MYB: variants seen among roughly 807,000 people sequenced by gnomAD.
MYB encodes transcriptional activator Myb.
Under a neutral mutation model 92.9 loss-of-function variants are expected in MYB, and 28 were observed. That is an observed-to-expected ratio of 0.30 (90% CI 0.22 to 0.41). MYB has a LOEUF of 0.41. Ranked by LOEUF, MYB falls within the 10% of genes least tolerant of loss-of-function variation. MYB has a pLI of 1.00. For synonymous variants in MYB, 295 were observed against 329.1 expected, an observed-to-expected ratio of 0.90 and a Z score of 1.12; for missense variants, 679 against 929.3, an observed-to-expected ratio of 0.73 and a Z score of 3.50.
chr6:135,183,253 G>A (rs948227366), intron 1 of MYB, among the ~76,000 whole-genome samples: 3 of 152,082 alleles, frequency 2.0e-5, no homozygotes, highest in African/African-American at 4.8e-5. Flanking sequence ...GCCGTTTCTT[G>A]CAAGGGCGAG....
Position 135,199,005 on chromosome 6 carries a change from C to G in MYB, c.1664C>G (p.Pro555Arg). 6.2e-7 allele frequency: 1 copy of G among 1,611,848 alleles called. No individual in the cohort carries two copies. Among genetic ancestry groups the G allele is most frequent in the Non-Finnish European group, 8.5e-7 (1 of 1,178,534 alleles). Residue 555 changes from proline (P) to arginine (R), a missense_variant, in exon 11 of 16, where the codon CCA becomes CGA. Coordinates refer to ENST00000341911, the MANE Select transcript of MYB (RefSeq NM_001130173.2). ...LIGHKLTVTT[P>R]FHRDQTVKTQ... is the part of the protein sequence containing the mutation. Reference sequence around the variant, plus strand: ...GGTCACAAATTGACTGTTACAACACCATTTCATAGAGACCAGACTGTGAAA... The same window carrying G: ...GGTCACAAATTGACTGTTACAACACGATTTCATAGAGACCAGACTGTGAAA...
intron 15 of MYB, among the ~76,000 whole-genome samples, chr6:135,208,951 T>C (rs897461633): frequency 6.6e-6 from 1 of 152,236 alleles, no homozygotes; most frequent in African/African-American, 2.4e-5. Context: ...ATAGAACTTC[T>C]ACAGTGATGT....
At chr6:135,201,066 G>A (rs1165000911) in intron 13 of MYB, among the ~76,000 whole-genome samples, 1 of 152,078 alleles carries the variant, frequency 6.6e-6, no homozygotes, top group Non-Finnish European at 1.5e-5. Flanking sequence ...GAGACAGCAA[G>A]ACTCCGTCTC....
intron 8 of MYB, 70 bp downstream of exon 8, chr6:135,194,530 C>T: frequency 9.4e-7 from 1 of 1,060,606 alleles, no homozygotes; most frequent in Non-Finnish European, 1.4e-6. Context: ...GCGCTCTTCT[C>T]TTCTAAATAT....
intron 3 of MYB, among the ~76,000 whole-genome samples, chr6:135,188,250 A>G (rs1157844929): frequency 6.6e-6 from 1 of 151,988 alleles, no homozygotes; most frequent in African/African-American, 2.4e-5. Context: ...TGAATTCCCT[A>G]TTTTTGTCAA....
rs1777892841 is a variant in MYB at position 135,200,424 on chromosome 6, G to A, written c.1950+9G>A. 4 of 1,613,734 alleles carry A rather than the reference G, an allele frequency of 2.5e-6. No individual in the cohort carries two copies. Among genetic ancestry groups the A allele is most frequent in the Middle Eastern group, 1.6e-4 (1 of 6,082 alleles). The stretch of plus-strand genomic sequence containing the variant: ...AGAAAATCAAACAAGAGGTAAACAC[G>A]CAACCCTTTGGAAGCAACAAGCTGA... On this transcript the variant is annotated intron_variant, in intron 13 of 15. Coordinates refer to ENST00000341911, the MANE Select transcript of MYB (RefSeq NM_001130173.2).
chr6:135,202,216 G>T (rs1162039860), intron 14 of MYB, among the ~76,000 whole-genome samples: 1 of 152,034 alleles, frequency 6.6e-6, no homozygotes, highest in Non-Finnish European at 1.5e-5. Flanking sequence ...ATTTGTGAAG[G>T]GTTGTCCTTA....
Position 135,199,011 on chromosome 6 carries a change from A to C in MYB, c.1670A>C (p.His557Pro). The C allele has an allele frequency of 1.2e-6, 2 of 1,611,830 alleles. No homozygotes were observed. The highest frequency in any genetic ancestry group is 8.5e-7 in the Non-Finnish European group (1 of 1,178,622). The part of the protein sequence containing the change: ...GHKLTVTTPF[H>P]RDQTVKTQKE... Reference sequence around the variant, plus strand: ...AAATTGACTGTTACAACACCATTTCATAGAGACCAGACTGTGAAAACTCAA... The same window carrying C: ...AAATTGACTGTTACAACACCATTTCCTAGAGACCAGACTGTGAAAACTCAA... Residue 557 changes from histidine (H) to proline (P), a missense_variant, in exon 11 of 16, where the codon CAT becomes CCT. His to Pro is a moderately conservative substitution (Grantham distance 77). Around this residue, in one of 8 missense-constraint regions of MYB, gnomAD observed 402 missense variants for 434.2 expected, o/e 0.93. Transcript: ENST00000341911.
intron 15 of MYB, among the ~76,000 whole-genome samples, chr6:135,217,079 T>C (rs1780551940): frequency 6.6e-6 from 1 of 152,202 alleles, no homozygotes; most frequent in Non-Finnish European, 1.5e-5. Context: ...CTAGTGTATC[T>C]TTAAAAATTA....
intron 2 of MYB, 139 bp from the exon 3 acceptor site, chr6:135,187,695 G>A (rs149888771): frequency 4.8e-4 from 218 of 457,670 alleles, no homozygotes; most frequent in Non-Finnish European, 7.2e-4. Context: ...TCCCAAGTCC[G>A]TATATTACAT....
intron 15 of MYB, chr6:135,203,824 T>C: frequency 1.6e-6 from 2 of 1,275,226 alleles, no homozygotes; most frequent in Admixed American, 5.1e-5. Context: ...CAACTGTCAA[T>C]GTTGTGAGGC....
intron 15 of MYB, 49 bp from the exon 16 acceptor site, chr6:135,217,815 A>T: frequency 1.5e-6 from 2 of 1,324,568 alleles, no homozygotes; most frequent in Non-Finnish European, 2.2e-6. Flanking sequence ...GGGTCTATAG[A>T]ATGAGCTTCT....
At chr6:135,198,836 G>A (rs1487878591) in intron 10 of MYB, 72 bp from the exon 11 acceptor site, 3 of 1,267,282 alleles carry the variant, frequency 2.4e-6, no homozygotes, top group Non-Finnish European at 2.2e-6. Flanking sequence ...TTATCTAGGT[G>A]TGATTTTTAA....
Position 135,181,655 on chromosome 6 carries a change from C to T in MYB, c.23+119C>T. 3.0e-6 allele frequency: 2 copies of T among 667,154 alleles called. No homozygotes were observed. Among genetic ancestry groups the T allele is most frequent in the Non-Finnish European group, 3.9e-6 (2 of 506,950 alleles). The allele number at this position is 667,154 out of a possible 1,614,324, so 41.3% of individuals were successfully genotyped here. A position where few individuals can be genotyped will look rare whatever the true frequency, so the allele number is the denominator to read the frequency against. ...ATCATCTGAGGGGCTGTCAGACCCT[C>T]CGAGGACCTGGAGCCCCTGCCTCGG... On this transcript the variant is annotated intron_variant, in intron 1 of 15. Coordinates refer to ENST00000341911, the MANE Select transcript of MYB (RefSeq NM_001130173.2). This position sits in a 1 kb window ranked among gnomAD's most constrained non-coding sequence, Gnocchi z 5.3.
chr6:135,187,298 T>C (rs1176600443), intron 2 of MYB, among the ~76,000 whole-genome samples: 1 of 152,222 alleles, frequency 6.6e-6, no homozygotes, highest in Non-Finnish European at 1.5e-5. Context: ...TGGTCTTTAT[T>C]TCTTTATAAA....
rs752639844 is a variant in MYB, at chr6:135,203,329, T to G, written c.2169+5T>G. ...TCCCTGGCGAGCCCCTTGCAGGTAA[T>G]TACTATTCCAACATTGGTATTTTAA... On this transcript the variant is annotated splice_donor_5th_base_variant and intron_variant, in intron 15 of 15. Transcript: ENST00000341911. 6.5e-7 allele frequency: 1 copy of G among 1,550,140 alleles called. No individual in the cohort carries two copies. Among genetic ancestry groups the G allele is most frequent in the South Asian group, 1.1e-5 (1 of 89,416 alleles).
At position 135,185,905 on chromosome 6, in the gene MYB, T is replaced by C. The variant is rs768018541; in HGVS notation, c.26T>C (p.Ile9Thr). 4 of 1,611,252 alleles carry C rather than the reference T, an allele frequency of 2.5e-6. No individual in the cohort carries two copies. Among genetic ancestry groups the C allele is most frequent in the African/African-American group, 2.7e-5 (2 of 74,860 alleles). The change falls in exon 2 of 16, where the codon ATA (isoleucine) becomes ACA (threonine). Residue 9 changes from isoleucine to threonine, a missense_variant and splice_region_variant. Physicochemically the swap from Ile to Thr is moderately conservative, Grantham distance 89. Transcript: ENST00000341911. ...TCTACCCATTCTTATTTCTGCAGCATATATAGCAGTGACGAGGATGATGAG... is the reference window on the plus strand; with the variant it reads ...TCTACCCATTCTTATTTCTGCAGCACATATAGCAGTGACGAGGATGATGAG... Reference protein sequence around the residue: MARRPRHSIYSSDEDDEDF... With the variant: MARRPRHSTYSSDEDDEDF...
At chr6:135,202,663 C>T (rs966152304) in intron 14 of MYB, 17 of 259,294 alleles carry the variant, frequency 6.6e-5, no homozygotes, top group African/African-American at 1.2e-4. Context: ...CCACCGCGCC[C>T]GGCCAGGTGG....
rs1775852301 is a variant in MYB, at chr6:135,185,990, C to T, written c.111C>T (p.His37=). ...DGLLPKSGKR[H]LGKTRWTREE... ...TGCTTCCCAAGTCTGGAAAGCGTCA[C>T]TTGGGGAAAACAAGGTGGACCCGGG... Residue 37 remains histidine (H), a synonymous_variant, in exon 2 of 16, where the codon CAC becomes CAT. Transcript: ENST00000341911. 3 of 1,613,956 alleles carry T rather than the reference C, an allele frequency of 1.9e-6. No individual in the cohort carries two copies. The highest frequency in any genetic ancestry group is 1.1e-5 in the South Asian group (1 of 91,076).
Sources: gnomAD v4.1 joint callset for allele counts (sites outside exome capture counted in the v4.1 genomes callset) on GRCh38, gnomAD v4.1.1 for gene constraint, gnomAD v4.1.1 regional missense constraint, Gnocchi (gnomAD v3.1) non-coding constraint, MANE v1.5 for transcripts, NCBI Gene and HGNC (gene_info 2026-07-23, HGNC 2026-07-21) for gene names.